PCDH15: variants seen among roughly 807,000 people sequenced by gnomAD.
The protein encoded by PCDH15 is protocadherin related 15, also known as protocadherin-15.
PCDH15 carries 129 observed loss-of-function variants against 178.5 expected under a neutral mutation model. That is an observed-to-expected ratio of 0.72 (90% CI 0.63 to 0.84). PCDH15 has a LOEUF of 0.84. PCDH15 is among the 40% of genes least tolerant of loss of function. The probability of loss-of-function intolerance (pLI) is 0.00; values close to 1 mark genes in which losing one functional copy is unlikely to be tolerated. For missense variants in PCDH15, 2,230 were observed against 2,099.9 expected, an observed-to-expected ratio of 1.06 and a Z score of -1.21; for synonymous variants, 800 against 732.0, an observed-to-expected ratio of 1.09 and a Z score of -1.50.
At chr10:54,519,272 G>A (rs185644409) in intron 3 of PCDH15, among the ~76,000 whole-genome samples, 107 of 152,276 alleles carry the variant, frequency 7.0e-4, no homozygotes, top group African/African-American at 2.5e-3. Context: ...AAGTCAAATT[G>A]TCCCTGTTTG....
intron 2 of PCDH15, among the ~76,000 whole-genome samples, chr10:55,541,478 T>G (rs1309933499): frequency 6.6e-6 from 1 of 152,002 alleles, no homozygotes; most frequent in Non-Finnish European, 1.5e-5. Context: ...GATATCTGAA[T>G]AGGTGTTATG....
chr10:54,614,982 C>T (rs906520917), intron 2 of PCDH15, among the ~76,000 whole-genome samples: 1 of 151,890 alleles, frequency 6.6e-6, no homozygotes, highest in African/African-American at 2.4e-5. Flanking sequence ...ATTGTTTTTG[C>T]TATTTCTGAT....
At chr10:54,548,030 ACTT>A (rs2086057211) in intron 2 of PCDH15, among the ~76,000 whole-genome samples, 1 of 149,318 alleles carries the variant, frequency 6.7e-6, no homozygotes, top group African/African-American at 2.4e-5. Flanking sequence ...CTACTTGGCA[ACTT>A]CTCATGTGTT....
chr10:55,449,872 A>G (rs1418637866), intron 2 of PCDH15, among the ~76,000 whole-genome samples: 1 of 151,688 alleles, frequency 6.6e-6, no homozygotes, highest in Non-Finnish European at 1.5e-5. Context: ...AGAACATTAC[A>G]GTGTTCGTTT....
Position 54,153,256 on chromosome 10 carries a change from T to C in PCDH15, c.1628A>G (p.Glu543Gly). 6.2e-7 allele frequency: 1 copy of C among 1,613,796 alleles called. No homozygotes were observed. The highest frequency in any genetic ancestry group is 8.5e-7 in the Non-Finnish European group (1 of 1,179,850). ...AVDADEGSNG[E>G]ITYEILVGAQ... ...CCCAACAAGGATTTCATATGTGATC[T>C]CCCCATTTGACCCTTCGTCTGCGTC... The change falls in exon 14 of 38, where the codon GAG (glutamate) becomes GGG (glycine). Residue 543 changes from glutamate (E) to glycine (G), a missense_variant. Transcript: ENST00000644397.
At chr10:54,906,326 C>T (rs1336621048) in intron 2 of PCDH15, among the ~76,000 whole-genome samples, 1 of 152,024 alleles carries the variant, frequency 6.6e-6, no homozygotes. Context: ...ACTCAGAAAT[C>T]GATTAGATTA....
At chr10:53,930,996 A>T (rs113310043) in intron 25 of PCDH15, among the ~76,000 whole-genome samples, 1 of 152,222 alleles carries the variant, frequency 6.6e-6, no homozygotes, top group Non-Finnish European at 1.5e-5. Flanking sequence ...GAGTAAAGGA[A>T]GAAAATACGG....
At chr10:54,388,974 C>T (rs1340646114) in intron 3 of PCDH15, among the ~76,000 whole-genome samples, 1 of 152,130 alleles carries the variant, frequency 6.6e-6, no homozygotes, top group Admixed American at 6.5e-5. Context: ...TGAGTATCAG[C>T]AACAGAAGTA....
At chr10:54,466,543 T>C (rs1218982110) in intron 3 of PCDH15, among the ~76,000 whole-genome samples, 2 of 152,008 alleles carry the variant, frequency 1.3e-5, no homozygotes, top group African/African-American at 4.8e-5. Flanking sequence ...TGTATGTCTG[T>C]TTTTGTATCA....
chr10:54,886,665 G>T (rs1409295476), intron 3 of PCDH15, among the ~76,000 whole-genome samples: 1 of 152,228 alleles, frequency 6.6e-6, no homozygotes, highest in African/African-American at 2.4e-5. Flanking sequence ...GGGAGGCCTT[G>T]GCAGGAGAAT....
chr10:55,410,362 T>C (rs879722984), intron 2 of PCDH15, among the ~76,000 whole-genome samples: 1 of 152,090 alleles, frequency 6.6e-6, no homozygotes, highest in African/African-American at 2.4e-5. Context: ...TCCTAAGTCT[T>C]CAGACAGGTT....
intron 3 of PCDH15, among the ~76,000 whole-genome samples, chr10:54,418,567 T>G (rs1954784666): frequency 6.6e-6 from 1 of 151,960 alleles, no homozygotes; most frequent in Admixed American, 6.6e-5. Context: ...TATTAGAACA[T>G]TATGGAAAAT....
intron 3 of PCDH15, among the ~76,000 whole-genome samples, chr10:54,829,705 A>C (rs1953190841): frequency 6.6e-6 from 1 of 152,170 alleles, no homozygotes. Context: ...TGTGTTTCCT[A>C]GTTGTCTAAC....
At chr10:55,576,731 T>TA (rs57969658) in intron 2 of PCDH15, among the ~76,000 whole-genome samples, 2,535 of 149,374 alleles carry the variant, frequency 0.017, 66 homozygotes, top group African/African-American at 0.052. Context: ...AACAGATATC[T>TA]AAAAAAAAAA....
intron 3 of PCDH15, among the ~76,000 whole-genome samples, chr10:54,393,185 C>T (rs1950767874): frequency 6.6e-6 from 1 of 152,096 alleles, no homozygotes; most frequent in African/African-American, 2.4e-5. Flanking sequence ...CTGTTCTAAA[C>T]ACAGTGGTGG....
chr10:55,083,935 A>C (rs1161566506), intron 2 of PCDH15, among the ~76,000 whole-genome samples: 1 of 151,936 alleles, frequency 6.6e-6, no homozygotes, highest in Admixed American at 6.6e-5. Context: ...GACACAACCC[A>C]AAAATGAAGA....
At chr10:55,405,737 C>G (rs911820769) in intron 2 of PCDH15, among the ~76,000 whole-genome samples, 16 of 151,872 alleles carry the variant, frequency 1.1e-4, no homozygotes, top group African/African-American at 3.9e-4. Context: ...GTATTTTCCA[C>G]ACTACTCGAA....
intron 18 of PCDH15, among the ~76,000 whole-genome samples, chr10:54,049,141 G>A (rs1440756689): frequency 2.0e-5 from 3 of 152,132 alleles, no homozygotes; most frequent in African/African-American, 4.8e-5. Context: ...TATTGTAAAT[G>A]TAATTGCACA....
Position 55,533,960 on chromosome 10 carries a change from T to C in PCDH15, c.-156+93665A>G, listed in dbSNP as rs1430957858. Among the ~76,000 whole-genome samples the C allele has an allele frequency of 2.0e-5, 3 of 152,072 alleles. No individual in the cohort carries two copies. In the East Asian group the frequency reaches 5.8e-4, roughly 29 times the overall value. ...AAAACCACCTAATTTTTGGCAAGGC[T>C]GACCAAAGCAAGCAATGGGGAATGG... On this transcript the variant is annotated intron_variant, in intron 2 of 5. Transcript: ENST00000613346.
Sources: gnomAD v4.1 joint callset for allele counts (sites outside exome capture counted in the v4.1 genomes callset) on GRCh38, gnomAD v4.1.1 for gene constraint, MANE v1.5 for transcripts, NCBI Gene and HGNC (gene_info 2026-07-23, HGNC 2026-07-21) for gene names.